Variants in ASPH observed in about 807,000 individuals in gnomAD.
ASPH encodes aspartyl/asparaginyl beta-hydroxylase.
A neutral mutation model predicts 118.4 loss-of-function variants in ASPH; 100 were observed. The ratio of observed to expected loss-of-function variants is 0.84; its 90% CI spans 0.72 to 1.00. ASPH has a LOEUF of 1.00. ASPH is among the 50% of genes least tolerant of loss of function. ASPH has a pLI of 0.00. For missense variants in ASPH, 920 were observed against 919.5 expected, an observed-to-expected ratio of 1.00 and a Z score of -0.01; for synonymous variants, 315 against 325.6, an observed-to-expected ratio of 0.97 and a Z score of 0.35.
intron 21 of ASPH, among the ~76,000 whole-genome samples, chr8:61,538,019 T>C (rs542754095): frequency 6.6e-6 from 1 of 152,316 alleles, no homozygotes; most frequent in South Asian, 2.1e-4. Context: ...CATATCTAAA[T>C]AGCACACAGG....
chr8:61,610,635 G>A (rs190351281), intron 14 of ASPH, among the ~76,000 whole-genome samples: 6 of 152,288 alleles, frequency 3.9e-5, no homozygotes, highest in African/African-American at 1.4e-4. Flanking sequence ...AAGGGTGGAC[G>A]GGAGACTGTT....
intron 21 of ASPH, among the ~76,000 whole-genome samples, chr8:61,532,700 C>T (rs923633612): frequency 3.3e-5 from 5 of 152,190 alleles, no homozygotes; most frequent in Non-Finnish European, 7.4e-5. Context: ...GATTCTCCCT[C>T]TTCCTATCCT....
chr8:61,537,166 C>T (rs938031560), intron 21 of ASPH, among the ~76,000 whole-genome samples: 3 of 152,168 alleles, frequency 2.0e-5, no homozygotes, highest in African/African-American at 7.2e-5. Flanking sequence ...TCCGCCCTAT[C>T]AGTCAGAGAA....
rs181784267 is a variant in ASPH at position 61,537,556 on chromosome 8, T to G, written c.1764+10515A>C. Among the ~76,000 whole-genome samples the G allele has an allele frequency of 1.5e-4, 23 of 152,190 alleles. No individual in the cohort carries two copies. The East Asian group carries it at 4.3e-3, about 28-fold the overall frequency. ...GGCTAATTTATTATTATTATTATTATTTTGTAGCAACAGGTCTTGCTATGT... is the reference window on the plus strand; with the variant it reads ...GGCTAATTTATTATTATTATTATTAGTTTGTAGCAACAGGTCTTGCTATGT... On this transcript the variant is annotated intron_variant, in intron 21 of 24. Coordinates refer to ENST00000379454, the MANE Select transcript of ASPH (RefSeq NM_004318.4).
intron 1 of ASPH, among the ~76,000 whole-genome samples, chr8:61,709,169 C>T (rs192900602): frequency 6.6e-6 from 1 of 152,134 alleles, no homozygotes; most frequent in East Asian, 1.9e-4. Context: ...TAAAAGATAA[C>T]CACATCAGCC....
intron 1 of ASPH, among the ~76,000 whole-genome samples, chr8:61,685,463 C>T (rs546043698): frequency 8.5e-5 from 13 of 152,208 alleles, no homozygotes; most frequent in African/African-American, 2.6e-4. Context: ...GCTCTGAGTT[C>T]CTTAATCTCT....
At chr8:61,624,847 A>G (rs1348395293) in intron 13 of ASPH, 6 of 985,646 alleles carry the variant, frequency 6.1e-6, no homozygotes, top group Non-Finnish European at 6.0e-6. Flanking sequence ...GAGTTTTATT[A>G]TAATTTGAGT....
At chr8:61,510,351 A>G (rs906970735) in intron 24 of ASPH, among the ~76,000 whole-genome samples, 2 of 152,216 alleles carry the variant, frequency 1.3e-5, no homozygotes, top group African/African-American at 4.8e-5. Context: ...TTTTATGAAG[A>G]TACATAACAC....
intron 24 of ASPH, among the ~76,000 whole-genome samples, chr8:61,511,094 T>TA (rs771976834): frequency 1.2e-4 from 19 of 152,196 alleles, no homozygotes; most frequent in Non-Finnish European, 2.6e-4. Context: ...CATGATGAAT[T>TA]AAAAAAATTA....
At chr8:61,613,028 C>T (rs532307233) in intron 14 of ASPH, among the ~76,000 whole-genome samples, 1 of 152,224 alleles carries the variant, frequency 6.6e-6, no homozygotes, top group Non-Finnish European at 1.5e-5. Flanking sequence ...TTTCATACTA[C>T]AACTATTTAT....
chr8:61,600,590 A>C (rs1444311110), intron 14 of ASPH, among the ~76,000 whole-genome samples: 2 of 151,420 alleles, frequency 1.3e-5, no homozygotes, highest in Non-Finnish European at 2.9e-5. Context: ...CATAGCAAAC[A>C]AGCTGAAAAG....
At chr8:61,543,261 C>A (rs2130655731) in intron 21 of ASPH, among the ~76,000 whole-genome samples, 1 of 152,198 alleles carries the variant, frequency 6.6e-6, no homozygotes. Context: ...TATGCATATG[C>A]TGGTACACTT....
intron 3 of ASPH, among the ~76,000 whole-genome samples, chr8:61,671,370 C>G (rs1334213960): frequency 6.6e-6 from 1 of 152,122 alleles, no homozygotes; most frequent in African/African-American, 2.4e-5. Flanking sequence ...TTCCACTAAT[C>G]AATAAAATTC....
intron 3 of ASPH, chr8:61,663,106 A>G (rs1185500718): frequency 4.1e-6 from 4 of 985,268 alleles, no homozygotes; most frequent in African/African-American, 3.5e-5. Flanking sequence ...ATCTCAGGAG[A>G]AAAGATCTAA....
At chr8:61,672,255 GAAAAAGCTAC>G (rs1234481722) in intron 3 of ASPH, among the ~76,000 whole-genome samples, 13 of 152,044 alleles carry the variant, frequency 8.6e-5, no homozygotes, top group African/African-American at 3.1e-4. Context: ...AAAAGAAGAA[GAAAAAGCTAC>G]AAACCCACCA....
intron 14 of ASPH, among the ~76,000 whole-genome samples, chr8:61,602,153 A>T (rs1844174691): frequency 1.3e-5 from 2 of 151,414 alleles, no homozygotes; most frequent in Admixed American, 6.6e-5. Flanking sequence ...ATACTACATG[A>T]AAAGAAAACT....
intron 5 of ASPH, among the ~76,000 whole-genome samples, chr8:61,648,535 A>T (rs1258598192): frequency 2.6e-5 from 4 of 152,102 alleles, no homozygotes; most frequent in Non-Finnish European, 5.9e-5. Flanking sequence ...CTCTTTCCTT[A>T]TTCTTCTTTC....
At chr8:61,660,058 C>T (rs1166368163) in intron 3 of ASPH, 3 of 151,440 alleles carry the variant, frequency 2.0e-5, no homozygotes, top group African/African-American at 2.4e-5. Context: ...GGGTATATTG[C>T]GTGATATTGA....
intron 22 of ASPH, among the ~76,000 whole-genome samples, chr8:61,518,662 G>A (rs1287428091): frequency 1.3e-5 from 2 of 152,152 alleles, no homozygotes; most frequent in African/African-American, 4.8e-5. Flanking sequence ...TACTTTTACA[G>A]TACTGTACGG....
Sources: allele counts gnomAD v4.1 joint callset (sites outside exome capture counted in the v4.1 genomes callset), GRCh38; gene constraint gnomAD v4.1.1; transcripts MANE v1.5; gene names NCBI Gene and HGNC (gene_info 2026-07-23, HGNC 2026-07-21).